The following PDSS2 variants were observed in gnomAD, a reference collection of about 807,000 sequenced individuals.
PDSS2 encodes the protein all trans-polyprenyl-diphosphate synthase PDSS2.
In PDSS2, 31 loss-of-function variants were observed where a neutral mutation model predicts 44.5. That is an observed-to-expected ratio of 0.70 (90% CI 0.52 to 0.94). The LOEUF is 0.94. Among genes scored for constraint, PDSS2 ranks in the 40% least tolerant of loss-of-function variants. The probability of loss-of-function intolerance (pLI) is 0.00; values close to 1 mark genes in which losing one functional copy is unlikely to be tolerated. For synonymous variants in PDSS2, 157 were observed against 180.3 expected, an observed-to-expected ratio of 0.87 and a Z score of 1.03; for missense variants, 452 against 482.2, an observed-to-expected ratio of 0.94 and a Z score of 0.59.
chr6:107,394,500 G>A (rs1322998947), intron 1 of PDSS2, among the ~76,000 whole-genome samples: 1 of 152,056 alleles, frequency 6.6e-6, no homozygotes, highest in African/African-American at 2.4e-5. Flanking sequence ...TCACTACCAT[G>A]AGGACAGTAC....
At chr6:107,421,041 G>A (rs319091) in intron 1 of PDSS2, among the ~76,000 whole-genome samples, 109,962 of 152,076 alleles carry the variant, frequency 0.72, 40,208 homozygotes, top group Middle Eastern at 0.79. Context: ...AAAGACTTGA[G>A]TATTCATCTT....
At chr6:107,285,938 G>A (rs1776125731) in intron 2 of PDSS2, among the ~76,000 whole-genome samples, 2 of 151,888 alleles carry the variant, frequency 1.3e-5, no homozygotes, top group African/African-American at 4.8e-5. Context: ...TCAGGAATTC[G>A]AGACTACCCT....
chr6:107,162,401 G>A (rs1554246842), intron 7 of PDSS2, among the ~76,000 whole-genome samples: 1 of 144,032 alleles, frequency 6.9e-6, no homozygotes, highest in African/African-American at 2.5e-5. Context: ...ACTGAGGCAG[G>A]AGAATTGCTT....
At chr6:107,311,862 T>C (rs1777057006) in intron 2 of PDSS2, among the ~76,000 whole-genome samples, 1 of 152,172 alleles carries the variant, frequency 6.6e-6, no homozygotes, top group Non-Finnish European at 1.5e-5. Flanking sequence ...GTGTAAAGTG[T>C]TTTCAGCACA....
intron 4 of PDSS2, among the ~76,000 whole-genome samples, chr6:107,216,900 AGG>A (rs1052324733): frequency 6.6e-6 from 1 of 152,208 alleles, no homozygotes; most frequent in Admixed American, 6.5e-5. Flanking sequence ...GAGACAGACT[AGG>A]GAGCAAAATA....
chr6:107,278,019 A>G (rs1353802159), intron 2 of PDSS2, among the ~76,000 whole-genome samples: 1 of 151,672 alleles, frequency 6.6e-6, no homozygotes, highest in Admixed American at 6.6e-5. Flanking sequence ...TCATCAAATA[A>G]TATATGAGAC....
intron 1 of PDSS2, among the ~76,000 whole-genome samples, chr6:107,336,010 TG>T (rs1408670652): frequency 1.9e-3 from 63 of 33,854 alleles, no homozygotes; most frequent in African/African-American, 0.014. Flanking sequence ...ATGCCCGGGG[TG>T]GGGGGGGTGG....
intron 7 of PDSS2, among the ~76,000 whole-genome samples, chr6:107,159,672 C>T (rs970447610): frequency 6.6e-6 from 1 of 151,714 alleles, no homozygotes; most frequent in Non-Finnish European, 1.5e-5. Flanking sequence ...CCCACCTCGG[C>T]CTCCCAAAGT....
At chr6:107,293,501 C>T (rs370400694) in intron 2 of PDSS2, among the ~76,000 whole-genome samples, 2 of 152,092 alleles carry the variant, frequency 1.3e-5, no homozygotes, top group African/African-American at 2.4e-5. Flanking sequence ...TGCTTTCTGC[C>T]GCGGTACGGG....
chr6:107,283,894 G>A (rs1253510741), intron 2 of PDSS2, among the ~76,000 whole-genome samples: 1 of 151,780 alleles, frequency 6.6e-6, no homozygotes, highest in African/African-American at 2.4e-5. Context: ...AATTAGCCAG[G>A]CATGGTGGCT....
At chr6:107,231,962 C>CACA (rs1491567117) in intron 4 of PDSS2, among the ~76,000 whole-genome samples, 1 of 137,768 alleles carries the variant, frequency 7.3e-6, no homozygotes, top group Non-Finnish European at 1.6e-5. Context: ...AACTCTGTCT[C>CACA]AAAAAAAAAA....
At chr6:107,165,569 C>T (rs1375636181) in intron 7 of PDSS2, among the ~76,000 whole-genome samples, 1 of 152,112 alleles carries the variant, frequency 6.6e-6, no homozygotes. Context: ...TTACTTTAGC[C>T]TTGTAGTATA....
intron 7 of PDSS2, among the ~76,000 whole-genome samples, chr6:107,164,566 T>C (rs1554247223): frequency 1.3e-5 from 2 of 152,214 alleles, no homozygotes; most frequent in Non-Finnish European, 2.9e-5. Context: ...CAGTCTATCA[T>C]TGATGGACAT....
rs1389619465 is a variant in PDSS2, at chr6:107,420,702, T to A, written c.296+38288A>T. ...AGATCAATGCAAAAAGGATCACGGA[T>A]TTATGTAAAATGTGAACCACAGAAC... On this transcript the variant is annotated intron_variant, in intron 1 of 7. Coordinates refer to ENST00000369037, the MANE Select transcript of PDSS2 (RefSeq NM_020381.4). 2.0e-5 allele frequency among the ~76,000 whole-genome samples: 3 copies of A among 152,092 alleles called. No individual in the cohort carries two copies. In the East Asian group the frequency reaches 5.8e-4, roughly 29 times the overall value.
intron 6 of PDSS2, among the ~76,000 whole-genome samples, chr6:107,209,308 T>C (rs1258918565): frequency 6.6e-6 from 1 of 152,210 alleles, no homozygotes; most frequent in East Asian, 1.9e-4. Flanking sequence ...TTAGATCCTC[T>C]GAGGCTTGTC....
At chr6:107,297,373 G>T (rs988521801) in intron 2 of PDSS2, among the ~76,000 whole-genome samples, 3 of 151,634 alleles carry the variant, frequency 2.0e-5, no homozygotes, top group Non-Finnish European at 4.4e-5. Context: ...TATTTTTGGA[G>T]GTGGGAGTGA....
intron 1 of PDSS2, among the ~76,000 whole-genome samples, chr6:107,361,169 AG>A (rs1778761603): frequency 6.6e-6 from 1 of 152,238 alleles, no homozygotes; most frequent in South Asian, 2.1e-4. Flanking sequence ...ATTTTTAAAA[AG>A]TAAACATACC....
chr6:107,238,129 G>A (rs1345145440), intron 4 of PDSS2, among the ~76,000 whole-genome samples: 2 of 152,050 alleles, frequency 1.3e-5, no homozygotes, highest in African/African-American at 4.8e-5. Context: ...TCACTTTCCT[G>A]AGACTGAGGC....
At chr6:107,439,608 T>C (rs912813737) in intron 1 of PDSS2, among the ~76,000 whole-genome samples, 6 of 152,338 alleles carry the variant, frequency 3.9e-5, no homozygotes, top group South Asian at 2.1e-4. Flanking sequence ...TGTACCACTG[T>C]TGCATAACAA....
Sources: gnomAD v4.1 joint callset for allele counts (sites outside exome capture counted in the v4.1 genomes callset) on GRCh38, gnomAD v4.1.1 for gene constraint, MANE v1.5 for transcripts, NCBI Gene and HGNC (gene_info 2026-07-23, HGNC 2026-07-21) for gene names.